MCTP1: variants seen among roughly 807,000 people sequenced by gnomAD.
MCTP1 encodes the protein multiple C2 and transmembrane domain-containing protein 1.
In MCTP1, 69 loss-of-function variants were observed where a neutral mutation model predicts 120.6. The observed-to-expected ratio is 0.57, with a 90% confidence interval of 0.47 to 0.70. The LOEUF (loss-of-function observed/expected upper bound fraction) is 0.70. Among genes scored for constraint, MCTP1 ranks in the 30% least tolerant of loss-of-function variants. MCTP1 has a pLI of 0.00. For synonymous variants in MCTP1, 529 were observed against 493.1 expected (o/e 1.07, Z -0.96); for missense variants, 1,203 against 1,248.8 (o/e 0.96, Z 0.55).
At chr5:95,093,190 ATTG>A (rs1321088833) in intron 1 of MCTP1, among the ~76,000 whole-genome samples, 5 of 152,162 alleles carry the variant, frequency 3.3e-5, no homozygotes, top group Non-Finnish European at 7.3e-5. Flanking sequence ...TTGTTTGGTT[ATTG>A]TTGTTGTTTT....
At position 94,924,029 on chromosome 5, in the gene MCTP1, C is replaced by A; in HGVS notation, c.1213-8G>T. The A allele has an allele frequency of 6.2e-6, 9 of 1,450,296 alleles. No homozygotes were observed. The highest frequency in any genetic ancestry group is 8.3e-6 in the Non-Finnish European group (9 of 1,084,442). 89.8% of individuals were successfully genotyped at this position (1,450,296 alleles called of 1,614,324 possible). On this transcript the variant is annotated splice_region_variant and splice_polypyrimidine_tract_variant and intron_variant, in intron 6 of 22. Transcript: ENST00000515393. ...TTCATTTTCTGAAAGTTCCTAGAAACAAACAAATATTTAGCTACATTTTGA... is the reference window on the plus strand; with the variant it reads ...TTCATTTTCTGAAAGTTCCTAGAAAAAAACAAATATTTAGCTACATTTTGA...
Position 94,987,400 on chromosome 5 carries a change from A to T in MCTP1, c.838+29967T>A, listed in dbSNP as rs1261361759. 2.6e-5 allele frequency among the ~76,000 whole-genome samples: 4 copies of T among 152,300 alleles called. No individual in the cohort carries two copies. In the South Asian group the frequency reaches 8.3e-4, roughly 32 times the overall value. On this transcript the variant is annotated intron_variant, in intron 2 of 22. Transcript: ENST00000515393. ...ATGTCACAGAGACTAGATGCTAAGC[A>T]AATGCTCGTGGAATTGATTATCTAA...
intron 1 of MCTP1, among the ~76,000 whole-genome samples, chr5:95,104,893 A>T (rs1158179272): frequency 6.6e-6 from 1 of 152,138 alleles, no homozygotes; most frequent in Non-Finnish European, 1.5e-5. Context: ...AATGGCTGGG[A>T]CTATAGGTGA....
chr5:94,923,336 CT>C (rs150238724), intron 7 of MCTP1, among the ~76,000 whole-genome samples: 1,547 of 152,186 alleles, frequency 0.01, 25 homozygotes, highest in African/African-American at 0.036. Context: ...ATAAATTGTG[CT>C]GTGCATAATG....
At chr5:94,789,788 G>T (rs569161857) in intron 18 of MCTP1, among the ~76,000 whole-genome samples, 1 of 152,142 alleles carries the variant, frequency 6.6e-6, no homozygotes, top group Non-Finnish European at 1.5e-5. Flanking sequence ...CCTGGGCAAG[G>T]CGTGTGTCTT....
chr5:94,869,542 T>C (rs1333737654), intron 16 of MCTP1, among the ~76,000 whole-genome samples: 1 of 152,054 alleles, frequency 6.6e-6, no homozygotes, highest in African/African-American at 2.4e-5. Flanking sequence ...TACTTAGATA[T>C]TGCATTTGTA....
chr5:95,074,029 T>A (rs775571148), intron 1 of MCTP1, among the ~76,000 whole-genome samples: 97 of 152,170 alleles, frequency 6.4e-4, no homozygotes, highest in South Asian at 2.5e-3. Context: ...GGCAGAAGAA[T>A]CGCTTGAACC....
rs1211529200 is a variant in MCTP1, at chr5:94,912,466, A to AAAAAAAAG, written c.1521+339_1521+340insCTTTTTTT. 6.6e-4 allele frequency among the ~76,000 whole-genome samples: 61 copies of AAAAAAAAG among 92,092 alleles called. 15 individuals carry two copies. The highest frequency in any genetic ancestry group is 1.0e-3 in the African/African-American group (27 of 26,766). The allele number at this position is 92,092 out of a possible 152,430, so 60.4% of individuals were successfully genotyped here. A position where few individuals can be genotyped will look rare whatever the true frequency, so the allele number is the denominator to read the frequency against. ...AAAAAAAAAAAAAAAAAAAAAAAAA[A>AAAAAAAAG]GCCGCACTCTGAGTACTTTATGTGC... is the stretch of plus-strand genomic sequence containing the variant. On this transcript the variant is annotated intron_variant, in intron 9 of 22. Transcript: ENST00000515393.
intron 19 of MCTP1, among the ~76,000 whole-genome samples, chr5:94,745,944 GT>G (rs1766796165): frequency 6.6e-6 from 1 of 152,166 alleles, no homozygotes; most frequent in Non-Finnish European, 1.5e-5. Context: ...GCCTCATGGT[GT>G]TAATATGGCT....
chr5:94,970,345 G>A (rs916271816), intron 2 of MCTP1, among the ~76,000 whole-genome samples: 1 of 151,882 alleles, frequency 6.6e-6, no homozygotes, highest in Non-Finnish European at 1.5e-5. Flanking sequence ...TCAAATTTGG[G>A]ATATATATGT....
At chr5:95,245,276 A>C (rs1017347379) in intron 1 of MCTP1, among the ~76,000 whole-genome samples, 1 of 152,244 alleles carries the variant, frequency 6.6e-6, no homozygotes, top group Admixed American at 6.5e-5. Flanking sequence ...TCTCCTCCAA[A>C]GGATCACAGC....
At position 95,284,238 on chromosome 5, in the gene MCTP1, C is replaced by T; in HGVS notation, c.338G>A (p.Gly113Asp). The T allele has an allele frequency of 1.3e-6, 2 of 1,584,570 alleles. No homozygotes were observed. Among genetic ancestry groups the T allele is most frequent in the Non-Finnish European group, 1.7e-6 (2 of 1,172,422 alleles). The stretch of plus-strand genomic sequence containing the variant: ...TAGCGTGGACCCCTGCTCGGCTCTG[C>T]CGGCGCCGCCGGGCTCCAGGGGCTC... ...SPEPLEPGGA[G>D]RAEQGSTLRR... Residue 113 changes from glycine to aspartate, a missense_variant, in exon 1 of 23, where the codon GGC becomes GAC. Transcript: ENST00000515393. This position sits in a 1 kb window ranked among gnomAD's most constrained non-coding sequence, Gnocchi z 5.2.
At chr5:95,128,223 C>A (rs1054807522) in intron 1 of MCTP1, among the ~76,000 whole-genome samples, 2 of 152,122 alleles carry the variant, frequency 1.3e-5, no homozygotes, top group African/African-American at 4.8e-5. Context: ...TTATGGTGGC[C>A]CAAACCACAA....
chr5:94,762,056 G>A (rs753097765), intron 19 of MCTP1, among the ~76,000 whole-genome samples: 1 of 152,194 alleles, frequency 6.6e-6, no homozygotes, highest in African/African-American at 2.4e-5. Context: ...AGAGATTCAG[G>A]AAAGAAGTGC....
rs1821099883 is a variant in MCTP1, at chr5:94,953,287, G to C, written c.913C>G (p.Leu305Val). 3.1e-6 allele frequency: 5 copies of C among 1,611,758 alleles called. No individual in the cohort carries two copies. The South Asian group carries it at 5.5e-5, about 18-fold the overall frequency. ...GCTTTTTCTTCCCACACAGGGTTGA[G>C]GTTCTTGTGTATTATCTTACTTCTA... is the stretch of plus-strand genomic sequence containing the variant. ...VFRSKIIHKN[L>V]NPVWEEKACI... Residue 305 changes from leucine to valine, a missense_variant, in exon 3 of 23, where the codon CTC becomes GTC. Leu to Val is a conservative substitution (Grantham distance 32, BLOSUM62 1). Coordinates refer to ENST00000515393, the MANE Select transcript of MCTP1 (RefSeq NM_024717.7).
chr5:94,719,912 C>A (rs1760466301), intron 19 of MCTP1, among the ~76,000 whole-genome samples: 1 of 152,092 alleles, frequency 6.6e-6, no homozygotes, highest in Admixed American at 6.6e-5. Context: ...GGCAGATCAC[C>A]TGGGGTCAGG....
chr5:94,891,290 G>A (rs966166237), intron 11 of MCTP1, among the ~76,000 whole-genome samples: 1 of 152,104 alleles, frequency 6.6e-6, no homozygotes, highest in Admixed American at 6.6e-5. Context: ...TTAAATTCCT[G>A]TAAATGAAGG....
rs1177826658 is a variant in MCTP1, at chr5:94,873,177, G to A, written c.1998C>T (p.Tyr666=). 3.1e-6 allele frequency: 5 copies of A among 1,610,310 alleles called. No individual in the cohort carries two copies. The Admixed American group carries it at 8.4e-5, about 27-fold the overall frequency. ...TATTCCACTCAGGATTGAGATTTTT[G>A]TAGACAGTATGTGTTAGCAGTCTAT... ...NNDRLLTHTV[Y]KNLNPEWNKV... Residue 666 remains tyrosine, a synonymous_variant, in exon 13 of 23, where the codon TAC becomes TAT. Coordinates refer to ENST00000515393, the MANE Select transcript of MCTP1 (RefSeq NM_024717.7).
intron 17 of MCTP1, among the ~76,000 whole-genome samples, chr5:94,810,469 G>A (rs564985632): frequency 5.3e-4 from 80 of 152,174 alleles, no homozygotes; most frequent in Non-Finnish European, 7.4e-4. Context: ...TTGCTCATGG[G>A]GGGAAACTCC....
Sources: allele counts gnomAD v4.1 joint callset (sites outside exome capture counted in the v4.1 genomes callset), GRCh38; gene constraint gnomAD v4.1.1; non-coding constraint Gnocchi (gnomAD v3.1); transcripts MANE v1.5; gene names NCBI Gene and HGNC (gene_info 2026-07-23, HGNC 2026-07-21).